NKAIN3: variants seen among roughly 807,000 people sequenced by gnomAD.
NKAIN3 encodes the protein sodium/potassium transporting ATPase interacting 3.
NKAIN3 carries 25 observed loss-of-function variants against 30.2 expected under a neutral mutation model. The ratio of observed to expected loss-of-function variants is 0.83; its 90% CI spans 0.60 to 1.16. NKAIN3 has a LOEUF of 1.16. Among genes scored for constraint, NKAIN3 ranks in the 50% most tolerant of loss-of-function variants. NKAIN3 has a pLI of 0.00. For synonymous variants in NKAIN3, 91 were observed against 89.6 expected (o/e 1.02, Z -0.09); for missense variants, 225 against 254.1 (o/e 0.89, Z 0.78).
At chr8:62,734,299 A>G (rs1176712488) in intron 3 of NKAIN3, among the ~76,000 whole-genome samples, 2 of 152,216 alleles carry the variant, frequency 1.3e-5, no homozygotes, top group African/African-American at 4.8e-5. Context: ...ACAAACAAAC[A>G]AAACTTTTTA....
chr8:62,750,639 G>T (rs773059950), intron 4 of NKAIN3, among the ~76,000 whole-genome samples: 3 of 152,136 alleles, frequency 2.0e-5, no homozygotes, highest in Non-Finnish European at 2.9e-5. Flanking sequence ...GGCTGAGAAC[G>T]ACAGGGAGAG....
At chr8:62,947,072 A>C (rs1823145006) in intron 5 of NKAIN3, among the ~76,000 whole-genome samples, 1 of 152,194 alleles carries the variant, frequency 6.6e-6, no homozygotes, top group South Asian at 2.1e-4. Context: ...CTTAACCTGG[A>C]GTCTATAAAT....
At chr8:62,578,883 A>G (rs1335399224) in intron 1 of NKAIN3, among the ~76,000 whole-genome samples, 1 of 152,080 alleles carries the variant, frequency 6.6e-6, no homozygotes, top group East Asian at 1.9e-4. Context: ...GATGGTTACC[A>G]GAGGCTGGGA....
rs137970756 is a variant in NKAIN3, at chr8:62,424,153, C to T, written c.55-155386C>T. Among the ~76,000 whole-genome samples, 51 of 151,992 alleles carry T rather than the reference C, an allele frequency of 3.4e-4. 1 individual carries two copies. Among genetic ancestry groups the T allele is most frequent in the South Asian group, 1.9e-3 (9 of 4,826 alleles). On this transcript the variant is annotated intron_variant, in intron 1 of 6. Transcript: ENST00000623646. ...TCGGACCATTATCTTACACCATATA[C>T]AAAAATGAACTCAATTTGAATGAAA...
Position 62,445,435 on chromosome 8 carries a change from G to A in NKAIN3, c.55-134104G>A, listed in dbSNP as rs183800688. 1.8e-3 allele frequency among the ~76,000 whole-genome samples: 280 copies of A among 152,034 alleles called. 1 individual carries two copies. Among genetic ancestry groups the A allele is most frequent in the African/African-American group, 6.5e-3 (269 of 41,470 alleles). ...ATATTATACCCATTTTTCTTATAAG[G>A]AAATTGAGCCTCAGGTTAAATAAAA... On this transcript the variant is annotated intron_variant, in intron 1 of 6. Transcript: ENST00000623646.
At chr8:62,694,594 A>G (rs1411501363) in intron 3 of NKAIN3, among the ~76,000 whole-genome samples, 1 of 152,092 alleles carries the variant, frequency 6.6e-6, no homozygotes, top group Non-Finnish European at 1.5e-5. Flanking sequence ...TCTATGTTAC[A>G]ACTCTAGAAT....
chr8:62,887,845 C>A (rs1821193836), intron 4 of NKAIN3, among the ~76,000 whole-genome samples: 1 of 152,070 alleles, frequency 6.6e-6, no homozygotes, highest in Non-Finnish European at 1.5e-5. Context: ...AATTTTTATT[C>A]CAGTAATTCC....
At chr8:62,413,632 C>T (rs1271536874) in intron 1 of NKAIN3, among the ~76,000 whole-genome samples, 1 of 152,058 alleles carries the variant, frequency 6.6e-6, no homozygotes, top group East Asian at 1.9e-4. Context: ...TAAACACATT[C>T]AAGGAAAAAA....
chr8:62,863,352 A>C (rs537534155), intron 4 of NKAIN3: 1 of 1,546,578 alleles, frequency 6.5e-7, no homozygotes, highest in South Asian at 1.2e-5. Flanking sequence ...CAGTGGTCTC[A>C]GCTGCCGTTC....
intron 1 of NKAIN3, among the ~76,000 whole-genome samples, chr8:62,426,205 T>C (rs1804803554): frequency 6.6e-6 from 1 of 151,936 alleles, no homozygotes; most frequent in Admixed American, 6.6e-5. Flanking sequence ...CTACCATTGG[T>C]GACAACAGTG....
At chr8:62,310,108 C>T (rs570133729) in intron 1 of NKAIN3, among the ~76,000 whole-genome samples, 1 of 150,444 alleles carries the variant, frequency 6.6e-6, no homozygotes, top group African/African-American at 2.5e-5. Context: ...AGTCTATCAT[C>T]TATTTTCAAC....
At chr8:62,526,718 C>T (rs771119123) in intron 1 of NKAIN3, among the ~76,000 whole-genome samples, 2 of 152,086 alleles carry the variant, frequency 1.3e-5, no homozygotes, top group Non-Finnish European at 2.9e-5. Context: ...GCAGAAGTGA[C>T]AGATAACTAC....
chr8:62,493,559 G>A (rs1273645541), intron 1 of NKAIN3, among the ~76,000 whole-genome samples: 1 of 152,082 alleles, frequency 6.6e-6, no homozygotes, highest in Non-Finnish European at 1.5e-5. Context: ...GTTCTGTGAA[G>A]AATGTCATCA....
At chr8:62,377,443 C>T (rs1199336493) in intron 1 of NKAIN3, among the ~76,000 whole-genome samples, 1 of 152,108 alleles carries the variant, frequency 6.6e-6, no homozygotes, top group Non-Finnish European at 1.5e-5. Flanking sequence ...GGTGAAGTTT[C>T]AGTCATTTTC....
At chr8:62,304,827 G>A (rs1393413329) in intron 1 of NKAIN3, among the ~76,000 whole-genome samples, 1 of 149,876 alleles carries the variant, frequency 6.7e-6, no homozygotes, top group Non-Finnish European at 1.5e-5. Flanking sequence ...TCGGCATGAC[G>A]TTCATAGGCC....
Position 62,282,334 on chromosome 8 carries a change from G to T in NKAIN3, c.54+33207G>T, listed in dbSNP as rs532330412. Among the ~76,000 whole-genome samples the T allele has an allele frequency of 1.5e-4, 23 of 152,272 alleles. No homozygotes were observed. The South Asian group carries it at 4.8e-3, about 32-fold the overall frequency. ...ACCAAAGATGCCTGCACACCTCTGT[G>T]TGTCCCTCGGCCTATTCTTCCCGGG... is the stretch of plus-strand genomic sequence containing the variant. On this transcript the variant is annotated intron_variant, in intron 1 of 6. Coordinates refer to ENST00000623646, the MANE Select transcript of NKAIN3 (RefSeq NM_001304533.3).
At chr8:62,801,450 T>TCGCA (rs1818059758) in intron 4 of NKAIN3, among the ~76,000 whole-genome samples, 1 of 152,170 alleles carries the variant, frequency 6.6e-6, no homozygotes. Context: ...ACAGCAGCAT[T>TCGCA]CGCAGTTCAT....
chr8:62,782,061 A>G (rs1396719362), intron 4 of NKAIN3, among the ~76,000 whole-genome samples: 1 of 152,070 alleles, frequency 6.6e-6, no homozygotes, highest in Admixed American at 6.6e-5. Context: ...TAATATCCAG[A>G]ATATACAAGA....
intron 3 of NKAIN3, among the ~76,000 whole-genome samples, chr8:62,703,431 A>G (rs1369310749): frequency 1.3e-5 from 2 of 152,040 alleles, no homozygotes; most frequent in African/African-American, 2.4e-5. Context: ...TTATTCCCCA[A>G]CTCCCCACAA....
Sources: gnomAD v4.1 joint callset for allele counts (sites outside exome capture counted in the v4.1 genomes callset) on GRCh38, gnomAD v4.1.1 for gene constraint, MANE v1.5 for transcripts, NCBI Gene and HGNC (gene_info 2026-07-23, HGNC 2026-07-21) for gene names.